Variants in XKR4 observed in about 807,000 individuals in gnomAD.
The protein encoded by XKR4 is XK-related protein 4.
XKR4 carries 12 observed loss-of-function variants against 53.9 expected under a neutral mutation model. The observed-to-expected ratio is 0.22, with a 90% CI of 0.14 to 0.36. XKR4 has a LOEUF of 0.36. Among genes scored for constraint, XKR4 ranks in the 10% least tolerant of loss-of-function variants. The pLI is 1.00. For synonymous variants in XKR4, 354 were observed against 362.4 expected (o/e 0.98, Z 0.26); for missense variants, 799 against 859.5 (o/e 0.93, Z 0.88).
At chr8:55,451,842 G>T (rs562451059) in intron 2 of XKR4, 1 of 911,692 alleles carries the variant, frequency 1.1e-6, no homozygotes, top group Non-Finnish European at 1.8e-6. Flanking sequence ...TGGTCATGCC[G>T]TCCGAGGGCT....
At chr8:55,119,383 G>A (rs1816359163) in intron 1 of XKR4, among the ~76,000 whole-genome samples, 1 of 152,118 alleles carries the variant, frequency 6.6e-6, no homozygotes. Context: ...TTTCACAGAG[G>A]TAGGAGCTTT....
At chr8:55,420,495 T>G (rs970680233) in intron 2 of XKR4, among the ~76,000 whole-genome samples, 5 of 148,072 alleles carry the variant, frequency 3.4e-5, no homozygotes, top group East Asian at 1.9e-4. Flanking sequence ...GGGACATGGA[T>G]GAAATTGGAA....
intron 1 of XKR4, among the ~76,000 whole-genome samples, chr8:55,300,176 A>T (rs1016958147): frequency 7.2e-5 from 11 of 152,154 alleles, no homozygotes; most frequent in Admixed American, 1.3e-4. Context: ...CAGGAAAGGC[A>T]TTGACATTAT....
chr8:55,208,245 T>C (rs1280943898), intron 1 of XKR4, among the ~76,000 whole-genome samples: 1 of 152,212 alleles, frequency 6.6e-6, no homozygotes, highest in East Asian at 1.9e-4. Context: ...GTCCTAGTGC[T>C]GTATTTTAGT....
chr8:55,121,857 CA>C (rs1487741140), intron 1 of XKR4, among the ~76,000 whole-genome samples: 11 of 151,910 alleles, frequency 7.2e-5, no homozygotes, highest in Non-Finnish European at 1.2e-4. Context: ...CACACACACA[CA>C]CACACCCCTT....
intron 1 of XKR4, chr8:55,161,528 G>A (rs1816985689): frequency 2.2e-6 from 1 of 455,986 alleles, no homozygotes; most frequent in African/African-American, 2.0e-5. Context: ...GGCAGGATGA[G>A]CAGCGCTCAA....
chr8:55,177,594 C>A (rs1817252474), intron 1 of XKR4, among the ~76,000 whole-genome samples: 1 of 152,182 alleles, frequency 6.6e-6, no homozygotes, highest in South Asian at 2.1e-4. Flanking sequence ...ACAGAGTGAG[C>A]AGGCCTGTGA....
At chr8:55,209,787 G>T (rs1817704418) in intron 1 of XKR4, among the ~76,000 whole-genome samples, 1 of 152,198 alleles carries the variant, frequency 6.6e-6, no homozygotes, top group African/African-American at 2.4e-5. Context: ...TCCCTTTCCA[G>T]AGAGAGACCA....
rs112044455 is a variant in XKR4 at position 55,224,086 on chromosome 8, T to C, written c.806+120792T>C. 8.4e-3 allele frequency among the ~76,000 whole-genome samples: 1,279 copies of C among 152,264 alleles called. 22 individuals carry two copies. Among genetic ancestry groups the C allele is most frequent in the African/African-American group, 0.027 (1,123 of 41,552 alleles). On this transcript the variant is annotated intron_variant, in intron 1 of 2. Transcript: ENST00000327381. ...AACTAAATGTGCATAAATATATACA[T>C]CTGCTTTTTCTACATTTTCTTTTTC...
chr8:55,235,413 G>T (rs796996117), intron 1 of XKR4, among the ~76,000 whole-genome samples: 102 of 152,212 alleles, frequency 6.7e-4, no homozygotes, highest in African/African-American at 1.8e-3. Context: ...GTAAAATATG[G>T]ATGCAAAAAA....
At chr8:55,155,074 ACCAGAAGTTGATTCT>A (rs1365241386) in intron 1 of XKR4, among the ~76,000 whole-genome samples, 1 of 152,202 alleles carries the variant, frequency 6.6e-6, no homozygotes, top group Non-Finnish European at 1.5e-5. Context: ...CTTTCTGCAG[ACCAGAAGTTGATTCT>A]CTAGAGAAAT....
At chr8:55,366,371 G>A (rs1803986216) in intron 2 of XKR4, among the ~76,000 whole-genome samples, 1 of 152,224 alleles carries the variant, frequency 6.6e-6, no homozygotes, top group Admixed American at 6.5e-5. Flanking sequence ...AACAGTTGGA[G>A]GTGAAGGCCT....
chr8:55,476,079 G>A (rs576472900), intron 2 of XKR4, among the ~76,000 whole-genome samples: 2 of 152,090 alleles, frequency 1.3e-5, no homozygotes, highest in Admixed American at 1.3e-4. Context: ...GTTCACTTAG[G>A]GTACTTGAAA....
chr8:55,258,135 T>G lies in XKR4; in HGVS notation c.807-99543T>G, dbSNP rs78775202. Among the ~76,000 whole-genome samples, 71 of 152,358 alleles carry G rather than the reference T, an allele frequency of 4.7e-4. 1 individual carries two copies. In the East Asian group the frequency reaches 0.012, roughly 25 times the overall value. ...AGCAACAAACAACTCTCCATGAGAA[T>G]GCAGGTTTTGCTCAGTGGTTTTATT... On this transcript the variant is annotated intron_variant, in intron 1 of 2. Transcript: ENST00000327381.
At chr8:55,268,200 G>GA (rs1818637802) in intron 1 of XKR4, among the ~76,000 whole-genome samples, 1 of 152,134 alleles carries the variant, frequency 6.6e-6, no homozygotes. Context: ...TAAAACGAAT[G>GA]GAGAGGGTAA....
chr8:55,183,123 G>A (rs1163230850), intron 1 of XKR4, among the ~76,000 whole-genome samples: 1 of 151,824 alleles, frequency 6.6e-6, no homozygotes, highest in Non-Finnish European at 1.5e-5. Context: ...CCCAAGATTA[G>A]TAATTTCTGA....
At chr8:55,233,314 G>T (rs952082573) in intron 1 of XKR4, among the ~76,000 whole-genome samples, 7 of 151,824 alleles carry the variant, frequency 4.6e-5, no homozygotes, top group African/African-American at 1.7e-4. Context: ...CATGTCTTCT[G>T]GTTTTTGTCC....
intron 1 of XKR4, among the ~76,000 whole-genome samples, chr8:55,123,191 G>A (rs1363222892): frequency 6.6e-6 from 1 of 152,210 alleles, no homozygotes; most frequent in African/African-American, 2.4e-5. Flanking sequence ...TCCCCAGCAT[G>A]TGGTATGGTA....
intron 1 of XKR4, among the ~76,000 whole-genome samples, chr8:55,274,874 C>T (rs187560295): frequency 1.3e-5 from 2 of 152,244 alleles, no homozygotes; most frequent in South Asian, 2.1e-4. Flanking sequence ...GGAAGTGGGG[C>T]GGATAGGCAA....
Sources: gnomAD v4.1 joint callset for allele counts (sites outside exome capture counted in the v4.1 genomes callset) on GRCh38, gnomAD v4.1.1 for gene constraint, MANE v1.5 for transcripts, NCBI Gene and HGNC (gene_info 2026-07-23, HGNC 2026-07-21) for gene names.